Variants in ZNF345 observed in about 807,000 individuals in gnomAD.
ZNF345 encodes zinc finger protein 345.
For missense variants in ZNF345, 527 were observed against 589.9 expected, an observed-to-expected ratio of 0.89 and a Z score of 1.10; for synonymous variants, 166 against 187.9, an observed-to-expected ratio of 0.88 and a Z score of 0.95.
In ZNF345 at chr19:36,879,451, C is replaced by A. The variant is rs1474900818; in HGVS notation, c.*1154C>A. 6.0e-6 allele frequency: 1 copy of A among 166,982 alleles called. No individual in the cohort carries two copies. The highest frequency in any genetic ancestry group is 1.5e-5 in the Non-Finnish European group (1 of 68,100). The allele number at this position is 166,982 out of a possible 1,614,324, so 10.3% of individuals were successfully genotyped here. A position where few individuals can be genotyped will look rare whatever the true frequency, so the allele number is the denominator to read the frequency against. On this transcript the variant is annotated 3_prime_UTR_variant, in exon 3 of 3. Coordinates refer to ENST00000420450, the MANE Select transcript of ZNF345 (RefSeq NM_001242472.2). ...AAGGTGTGATTATGCTATACTATAA[C>A]CAGCCCTTAATATTTTTTGTCTGTA...
chr19:36,859,878 GCA>G (rs149214652), intron 2 of ZNF345, among the ~76,000 whole-genome samples: 2,384 of 147,494 alleles, frequency 0.016, 40 homozygotes, highest in Admixed American at 0.044. Flanking sequence ...CTCTCTCTCT[GCA>G]CACACACACA....
chr19:36,882,320 T>G (rs2072973550), downstream of ZNF345, among the ~76,000 whole-genome samples: 1 of 151,950 alleles, frequency 6.6e-6, no homozygotes, highest in Non-Finnish European at 1.5e-5. Context: ...CAGGCTGGAG[T>G]GCAGTGGCGT....
chr19:36,885,413 T>A (rs191889584), intron 3 of ZNF345, among the ~76,000 whole-genome samples: 107 of 152,076 alleles, frequency 7.0e-4, no homozygotes, highest in Admixed American at 3.7e-3. Flanking sequence ...CTGATTTGTT[T>A]GCTAGATATG....
At chr19:36,854,354 G>GA (rs1343567783) in intron 2 of ZNF345, 3 of 151,354 alleles carry the variant, frequency 2.0e-5, no homozygotes, top group African/African-American at 7.3e-5. Context: ...ATGGTAACTT[G>GA]AACAGCTAGG....
chr19:36,886,670 G>A (rs867540849), intron 3 of ZNF345, among the ~76,000 whole-genome samples: 157 of 151,266 alleles, frequency 1.0e-3, no homozygotes, highest in African/African-American at 3.7e-3. Context: ...ACATGGTGAA[G>A]CCCCGTCTCT....
chr19:36,873,153 CT>C (rs1218608452), intron 2 of ZNF345, among the ~76,000 whole-genome samples: 2 of 151,674 alleles, frequency 1.3e-5, no homozygotes, highest in Non-Finnish European at 2.9e-5. Context: ...TCTATGAATA[CT>C]TTTTTCACTT....
intron 3 of ZNF345, among the ~76,000 whole-genome samples, chr19:36,884,849 T>C (rs1384560523): frequency 6.6e-6 from 1 of 151,996 alleles, no homozygotes; most frequent in Non-Finnish European, 1.5e-5. Context: ...GACCTCTCTT[T>C]GGGTGAAGTT....
intron 3 of ZNF345, among the ~76,000 whole-genome samples, chr19:36,885,820 TC>T (rs1387308163): frequency 3.9e-4 from 59 of 152,180 alleles, no homozygotes; most frequent in African/African-American, 1.4e-3. Context: ...AGTTTAATTA[TC>T]AATACTGCTA....
intron 2 of ZNF345, chr19:36,862,787 A>G (rs887156787): frequency 6.6e-6 from 1 of 152,080 alleles, no homozygotes; most frequent in African/African-American, 2.4e-5. Flanking sequence ...TCCCTTCCAA[A>G]ATTCATATCT....
At chr19:36,872,278 T>C (rs899949415) in intron 2 of ZNF345, among the ~76,000 whole-genome samples, 9 of 152,218 alleles carry the variant, frequency 5.9e-5, no homozygotes, top group Admixed American at 3.9e-4. Context: ...GCTCTACTAC[T>C]GTTGATGCCA....
intron 3 of ZNF345, chr19:36,891,326 CTT>C: frequency 1.6e-6 from 1 of 632,940 alleles, no homozygotes; most frequent in South Asian, 3.8e-5. Flanking sequence ...ATAAATTTCT[CTT>C]GTTTTAAGCC....
intron 3 of ZNF345, among the ~76,000 whole-genome samples, chr19:36,885,797 AT>A (rs556220254): frequency 2.2e-4 from 33 of 152,186 alleles, no homozygotes; most frequent in Admixed American, 2.6e-4. Flanking sequence ...ACAGTATGAG[AT>A]TTAGTGGGTC....
intron 3 of ZNF345, chr19:36,891,769 T>G (rs1412848402): frequency 6.2e-7 from 1 of 1,614,022 alleles, no homozygotes; most frequent in Non-Finnish European, 8.5e-7. Context: ...TCTGTGATGG[T>G]TAGTAAGTGT....
rs1421795796 is a variant in ZNF345 at position 36,878,204 on chromosome 19, C to T, written c.1374C>T (p.Asn458=). 1.9e-6 allele frequency: 3 copies of T among 1,613,566 alleles called. No individual in the cohort carries two copies. Among genetic ancestry groups the T allele is most frequent in the Non-Finnish European group, 1.7e-6 (2 of 1,179,826 alleles). Residue 458 remains asparagine, a synonymous_variant, in exon 3 of 3, where the codon AAC becomes AAT. Transcript: ENST00000420450. ...GTGAGAAACTTTATGAATGTAAGAA[C>T]TGTGGGAAGGCTTATGGGAGGGATT... ...HTGEKLYECK[N]CGKAYGRDSE... is the part of the protein sequence containing the mutation.
chr19:36,852,553 G>A (rs1029545951), intron 2 of ZNF345, among the ~76,000 whole-genome samples: 18 of 150,460 alleles, frequency 1.2e-4, no homozygotes, highest in South Asian at 2.1e-4. Context: ...GTTGCAGTGA[G>A]CCAAGATTGT....
intron 3 of ZNF345, chr19:36,892,428 C>T (rs1425206177): frequency 1.2e-6 from 2 of 1,605,768 alleles, no homozygotes; most frequent in Non-Finnish European, 1.7e-6. Flanking sequence ...TGAAATGTCT[C>T]TTCTTTAGAG....
chr19:36,876,402 A>C (rs373704956), intron 2 of ZNF345, among the ~76,000 whole-genome samples: 1 of 152,290 alleles, frequency 6.6e-6, no homozygotes, highest in South Asian at 2.1e-4. Flanking sequence ...CTCATTTATA[A>C]ATGTTTATAG....
At chr19:36,869,242 C>T (rs2072726490) in intron 2 of ZNF345, among the ~76,000 whole-genome samples, 1 of 151,768 alleles carries the variant, frequency 6.6e-6, no homozygotes, top group Non-Finnish European at 1.5e-5. Flanking sequence ...CAGGAAAGCA[C>T]TACACTTAAA....
downstream of ZNF345, among the ~76,000 whole-genome samples, chr19:36,881,019 A>C (rs541755155): frequency 9.1e-4 from 138 of 152,310 alleles, no homozygotes; most frequent in African/African-American, 3.2e-3. Flanking sequence ...GGAGGGAAAA[A>C]TAATTTTAGA....
Sources: gnomAD v4.1 joint callset for allele counts (sites outside exome capture counted in the v4.1 genomes callset) on GRCh38, gnomAD v4.1.1 for gene constraint, MANE v1.5 for transcripts, NCBI Gene and HGNC (gene_info 2026-07-23, HGNC 2026-07-21) for gene names.